Variants in TECRL observed in about 807,000 individuals in gnomAD.
TECRL encodes the protein trans-2,3-enoyl-CoA reductase-like.
TECRL carries 63 observed loss-of-function variants against 52.8 expected under a neutral mutation model. The observed-to-expected ratio is 1.19, with a 90% CI of 0.97 to 1.47. The LOEUF is 1.47. TECRL is among the 40% of genes most tolerant of loss of function. The pLI, the probability that TECRL is intolerant of heterozygous loss-of-function variation, is 0.00. For missense variants in TECRL, 482 were observed against 429.6 expected (o/e 1.12, Z -1.08); for synonymous variants, 164 against 141.9 (o/e 1.16, Z -1.10).
intron 4 of TECRL, 39 bp from the exon 5 acceptor site, chr4:64,314,802 A>G (rs771253402): frequency 1.1e-5 from 16 of 1,435,800 alleles, no homozygotes; most frequent in East Asian, 4.6e-5. Context: ...CGATAAAAAT[A>G]GATGTTTTTA....
intron 9 of TECRL, among the ~76,000 whole-genome samples, chr4:64,286,534 TAA>T (rs151059555): frequency 7.6e-5 from 11 of 145,494 alleles, no homozygotes; most frequent in East Asian, 2.0e-4. Flanking sequence ...TTTTAGAACG[TAA>T]AAAAAAAAAA....
intron 1 of TECRL, among the ~76,000 whole-genome samples, chr4:64,384,947 A>C (rs932945749): frequency 2.0e-5 from 3 of 152,168 alleles, no homozygotes; most frequent in African/African-American, 7.2e-5. Flanking sequence ...GCCTCCAAAC[A>C]GTGTGCTCAC....
chr4:64,388,839 T>C (rs1560551120), intron 1 of TECRL, among the ~76,000 whole-genome samples: 1 of 151,926 alleles, frequency 6.6e-6, no homozygotes, highest in East Asian at 1.9e-4. Context: ...TATGCATAAA[T>C]AACAATTACA....
chr4:64,352,226 T>C (rs1171522346), intron 2 of TECRL, among the ~76,000 whole-genome samples: 2 of 152,126 alleles, frequency 1.3e-5, no homozygotes, highest in African/African-American at 4.8e-5. Flanking sequence ...CAAAGTACAA[T>C]ATTAGTGCAT....
intron 1 of TECRL, among the ~76,000 whole-genome samples, chr4:64,407,472 G>C (rs35675286): frequency 1.4e-5 from 2 of 148,012 alleles, no homozygotes; most frequent in African/African-American, 5.0e-5. Flanking sequence ...CAAATAATTA[G>C]GAACTAATTG....
intron 1 of TECRL, among the ~76,000 whole-genome samples, chr4:64,404,376 A>G (rs1724573784): frequency 6.6e-6 from 1 of 152,060 alleles, no homozygotes; most frequent in Non-Finnish European, 1.5e-5. Context: ...TCATTGACTT[A>G]TCAGTAGATA....
intron 2 of TECRL, among the ~76,000 whole-genome samples, chr4:64,369,799 G>C (rs761861926): frequency 4.6e-5 from 7 of 151,760 alleles, no homozygotes; most frequent in Non-Finnish European, 1.0e-4. Context: ...TAGGTCCGTG[G>C]CACATAATAA....
intron 2 of TECRL, among the ~76,000 whole-genome samples, chr4:64,330,482 G>A (rs142293033): frequency 6.6e-6 from 1 of 151,980 alleles, no homozygotes; most frequent in Non-Finnish European, 1.5e-5. Flanking sequence ...TATATCTCAA[G>A]TAAAAAAGAT....
chr4:64,349,469 T>C (rs1720229618), intron 2 of TECRL, among the ~76,000 whole-genome samples: 1 of 152,118 alleles, frequency 6.6e-6, no homozygotes, highest in African/African-American at 2.4e-5. Context: ...CAGGGTCCCA[T>C]TGCTTTGATC....
At chr4:64,369,795 C>T (rs539501248) in intron 2 of TECRL, among the ~76,000 whole-genome samples, 21 of 151,642 alleles carry the variant, frequency 1.4e-4, no homozygotes, top group Middle Eastern at 3.2e-3. Flanking sequence ...ATTTTAGGTC[C>T]GTGGCACATA....
At chr4:64,296,479 G>A (rs1038810241) in intron 8 of TECRL, among the ~76,000 whole-genome samples, 13 of 151,704 alleles carry the variant, frequency 8.6e-5, no homozygotes, top group Non-Finnish European at 4.4e-5. Context: ...CAAAACTAGG[G>A]AAAATAGTTA....
At chr4:64,349,206 C>T (rs1054824584) in intron 2 of TECRL, among the ~76,000 whole-genome samples, 4 of 122,944 alleles carry the variant, frequency 3.3e-5, no homozygotes, top group Admixed American at 9.0e-5. Context: ...GATATCGGCT[C>T]ACCACAACCT....
chr4:64,293,877 G>A (rs1723530310), intron 8 of TECRL, among the ~76,000 whole-genome samples: 1 of 151,340 alleles, frequency 6.6e-6, no homozygotes, highest in East Asian at 1.9e-4. Context: ...TCATAAGAAT[G>A]AAAATGATGT....
intron 4 of TECRL, 30 bp from the exon 5 acceptor site, chr4:64,314,793 G>T (rs1235119493): frequency 2.1e-6 from 3 of 1,443,218 alleles, no homozygotes; most frequent in Non-Finnish European, 2.9e-6. Flanking sequence ...TAGATTAAAC[G>T]ATAAAAATAG....
At chr4:64,297,056 A>C (rs1307920300) in intron 8 of TECRL, among the ~76,000 whole-genome samples, 2 of 151,690 alleles carry the variant, frequency 1.3e-5, no homozygotes, top group Middle Eastern at 3.4e-3. Flanking sequence ...ACCTCACCAA[A>C]ATGGAAGAAT....
chr4:64,327,871 C>T (rs963620263), intron 3 of TECRL, among the ~76,000 whole-genome samples: 3 of 151,798 alleles, frequency 2.0e-5, no homozygotes, highest in Non-Finnish European at 2.9e-5. Flanking sequence ...AGAGGTACCT[C>T]CTATAGATTT....
intron 5 of TECRL, among the ~76,000 whole-genome samples, chr4:64,310,515 C>T (rs577644896): frequency 7.9e-4 from 120 of 152,200 alleles, no homozygotes; most frequent in Middle Eastern, 3.4e-3. Context: ...CTCTAAGTTA[C>T]CACCTCTTCT....
chr4:64,329,036 A>C (rs985107633), intron 2 of TECRL, among the ~76,000 whole-genome samples: 1 of 151,902 alleles, frequency 6.6e-6, no homozygotes, highest in Non-Finnish European at 1.5e-5. Context: ...TTGACTTTTA[A>C]TATTATGAGT....
At chr4:64,356,162 A>G (rs1350656571) in intron 2 of TECRL, among the ~76,000 whole-genome samples, 3 of 152,160 alleles carry the variant, frequency 2.0e-5, no homozygotes, top group Non-Finnish European at 2.9e-5. Context: ...CAGGGGCACA[A>G]TGCACTGCAG....
Sources: gnomAD v4.1 joint callset for allele counts (sites outside exome capture counted in the v4.1 genomes callset) on GRCh38, gnomAD v4.1.1 for gene constraint, MANE v1.5 for transcripts, NCBI Gene and HGNC (gene_info 2026-07-23, HGNC 2026-07-21) for gene names.